SYCE2: variants seen among roughly 807,000 people sequenced by gnomAD.
SYCE2 encodes the protein central element synaptonemal complex 1.
Under a neutral mutation model 27.9 loss-of-function variants are expected in SYCE2, and 3 were observed. That is an observed-to-expected ratio of 0.11 (90% confidence interval 0.05 to 0.28). SYCE2 has a LOEUF of 0.28. Ranked by LOEUF, SYCE2 falls within the 10% of genes least tolerant of loss-of-function variation. SYCE2 has a pLI of 1.00. For missense variants in SYCE2, 207 were observed against 263.5 expected, an observed-to-expected ratio of 0.79 and a Z score of 1.48; for synonymous variants, 85 against 100.7, an observed-to-expected ratio of 0.84 and a Z score of 0.93.
intron 2 of SYCE2, among the ~76,000 whole-genome samples, chr19:12,912,795 AC>A (rs1971071038): frequency 6.6e-6 from 1 of 151,842 alleles, no homozygotes; most frequent in Non-Finnish European, 1.5e-5. Context: ...AAAAAAAATC[AC>A]TTGAATTCAG....
At chr19:12,911,012 A>G (rs1370792904) in intron 2 of SYCE2, among the ~76,000 whole-genome samples, 1 of 151,172 alleles carries the variant, frequency 6.6e-6, no homozygotes, top group African/African-American at 2.4e-5. Flanking sequence ...AGGGTTTGCT[A>G]CATTGCCAAG....
At chr19:12,917,711 G>C (rs1301158662) in intron 2 of SYCE2, among the ~76,000 whole-genome samples, 1 of 118,710 alleles carries the variant, frequency 8.4e-6, no homozygotes, top group Admixed American at 1.0e-4. Flanking sequence ...CCAGGCTGGA[G>C]TGCAATGGCG....
rs144450062 is a variant in SYCE2 at position 12,909,661 on chromosome 19, G to A, written c.132-4995C>T. 8.5e-3 allele frequency among the ~76,000 whole-genome samples: 1,287 copies of A among 152,072 alleles called. 19 individuals are homozygous for A. The highest frequency in any genetic ancestry group is 0.029 in the African/African-American group (1,215 of 41,468). On this transcript the variant is annotated intron_variant, in intron 2 of 5. Coordinates refer to ENST00000293695, the MANE Select transcript of SYCE2 (RefSeq NM_001105578.2). ...GGCTCACTGCAACCTCCGCCTCCCG[G>A]GTTCAAGCGATTCTCTTGCCTCAGC...
intron 2 of SYCE2, among the ~76,000 whole-genome samples, chr19:12,907,417 G>A (rs1371963077): frequency 6.6e-6 from 1 of 152,200 alleles, no homozygotes; most frequent in Non-Finnish European, 1.5e-5. Flanking sequence ...GAAAGGCCAA[G>A]CCTTGTAGGT....
At chr19:12,900,165 G>T in intron 4 of SYCE2, 45 bp from the exon 5 acceptor site, 1 of 1,575,290 alleles carries the variant, frequency 6.3e-7, no homozygotes, top group African/African-American at 1.4e-5. Context: ...CTGTGCCAGG[G>T]CTGTGGGCAG....
intron 2 of SYCE2, among the ~76,000 whole-genome samples, chr19:12,908,472 C>T (rs1970982750): frequency 6.6e-6 from 1 of 151,764 alleles, no homozygotes. Flanking sequence ...CTACAGGCGC[C>T]CGCCACCACG....
rs369943408 is a variant in SYCE2 at position 12,902,946 on chromosome 19, T to C, written c.306+1546A>G. ...CTGGAATTATAGGCACGTGCTACCA[T>C]GCCTGGCTAATTTTTTTTTTTTTTT... On this transcript the variant is annotated intron_variant, in intron 3 of 5. Transcript: ENST00000293695. Among the ~76,000 whole-genome samples the C allele has an allele frequency of 1.1e-3, 161 of 149,402 alleles. 1 individual carries two copies. Among genetic ancestry groups the C allele is most frequent in the African/African-American group, 3.6e-3 (146 of 40,832 alleles).
intron 3 of SYCE2, 142 bp from the exon 4 acceptor site, chr19:12,900,790 C>A (rs1214244858): frequency 6.4e-6 from 5 of 785,070 alleles, no homozygotes; most frequent in Non-Finnish European, 1.0e-5. Context: ...ATGCCTGTAA[C>A]CCCAGCACTT....
At chr19:12,910,600 T>TG (rs1411381915) in intron 2 of SYCE2, among the ~76,000 whole-genome samples, 4 of 151,984 alleles carry the variant, frequency 2.6e-5, no homozygotes, top group African/African-American at 9.7e-5. Flanking sequence ...CTCAAACTCC[T>TG]GACCTCAAGT....
chr19:12,901,065 A>T (rs968585257), intron 3 of SYCE2, among the ~76,000 whole-genome samples: 3 of 152,126 alleles, frequency 2.0e-5, no homozygotes, highest in African/African-American at 7.2e-5. Flanking sequence ...GCTACTTGGG[A>T]GGCTGAGGCA....
chr19:12,908,951 C>G (rs780047784), intron 2 of SYCE2, among the ~76,000 whole-genome samples: 10 of 152,208 alleles, frequency 6.6e-5, no homozygotes, highest in Non-Finnish European at 1.3e-4. Flanking sequence ...TCCCAGCCAC[C>G]ATTCCACAAT....
intron 2 of SYCE2, among the ~76,000 whole-genome samples, chr19:12,913,826 C>A (rs992672701): frequency 9.8e-5 from 15 of 152,304 alleles, no homozygotes; most frequent in African/African-American, 3.6e-4. Context: ...ACGACTTCAA[C>A]CATTGCTTCC....
intron 2 of SYCE2, among the ~76,000 whole-genome samples, chr19:12,913,101 C>A (rs1971076275): frequency 6.6e-6 from 1 of 152,226 alleles, no homozygotes; most frequent in African/African-American, 2.4e-5. Flanking sequence ...GTCAGCCCAA[C>A]ACAGCACGTC....
At chr19:12,904,432 G>T (rs1970896500) in intron 3 of SYCE2, 60 bp downstream of exon 3, 11 of 1,598,708 alleles carry the variant, frequency 6.9e-6, no homozygotes, top group South Asian at 1.1e-5. Context: ...CACCATCAGT[G>T]GTTCATTCCC....
rs369791566 is a variant in SYCE2 at position 12,919,221 on chromosome 19, G to T, written c.15+22C>A. 1.3e-5 allele frequency: 21 copies of T among 1,610,764 alleles called. No homozygotes were observed. In the African/African-American group the frequency reaches 2.4e-4, roughly 18 times the overall value. On this transcript the variant is annotated intron_variant, in intron 1 of 5. Transcript: ENST00000293695. Reference sequence around the variant, plus strand: ...ATCTGTCCGCCCGCCCCACGCGCGAGAAGGAAACAAGCGCCGCGTACTCCC... The same window carrying T: ...ATCTGTCCGCCCGCCCCACGCGCGATAAGGAAACAAGCGCCGCGTACTCCC...
At position 12,919,271 on chromosome 19, in the gene SYCE2, G is replaced by C. The variant is rs753299337; in HGVS notation, c.-14C>G. The C allele has an allele frequency of 1.2e-6, 2 of 1,609,874 alleles. No homozygotes were observed. Among genetic ancestry groups the C allele is most frequent in the South Asian group, 2.2e-5 (2 of 91,046 alleles). Reference sequence around the variant, plus strand: ...CTGTCGCTCCATTCCGTATTTTCCCGCCTTCAAGCTCGCACCCTCTGCGCA... The same window carrying C: ...CTGTCGCTCCATTCCGTATTTTCCCCCCTTCAAGCTCGCACCCTCTGCGCA... On this transcript the variant is annotated 5_prime_UTR_variant, in exon 1 of 6. Coordinates refer to ENST00000293695, the MANE Select transcript of SYCE2 (RefSeq NM_001105578.2).
chr19:12,913,132 C>G (rs1263997583), intron 2 of SYCE2, among the ~76,000 whole-genome samples: 1 of 152,202 alleles, frequency 6.6e-6, no homozygotes, highest in African/African-American at 2.4e-5. Context: ...GGCCTGCGCC[C>G]GGATTGGGCA....
intron 2 of SYCE2, among the ~76,000 whole-genome samples, chr19:12,917,125 C>T (rs1003426564): frequency 6.7e-6 from 1 of 149,678 alleles, no homozygotes; most frequent in African/African-American, 2.5e-5. Flanking sequence ...AATGCAATGG[C>T]ACAATCTTGG....
At position 12,900,090 on chromosome 19, in the gene SYCE2, G is replaced by A. The variant is rs1169496011; in HGVS notation, c.526C>T (p.His176Tyr). 6.2e-7 allele frequency: 1 copy of A among 1,612,722 alleles called. No homozygotes were observed. The highest frequency in any genetic ancestry group is 2.2e-5 in the East Asian group (1 of 44,894). The part of the protein sequence containing the change: ...QSLRLRWGPD[H>Y]SRGKSPPRPG... The stretch of plus-strand genomic sequence containing the variant: ...CGTGGTGGGGACTTTCCCCTAGAGT[G>A]GTCTGGCCCCCATCTGAGTCTTAGG... The change falls in exon 5 of 6, where the codon CAC becomes TAC. Residue 176 changes from histidine (H) to tyrosine (Y), a missense_variant. His to Tyr is a moderately conservative substitution (Grantham distance 83, BLOSUM62 2). Coordinates refer to ENST00000293695, the MANE Select transcript of SYCE2 (RefSeq NM_001105578.2).
Sources: gnomAD v4.1 joint callset for allele counts (sites outside exome capture counted in the v4.1 genomes callset) on GRCh38, gnomAD v4.1.1 for gene constraint, MANE v1.5 for transcripts, NCBI Gene and HGNC (gene_info 2026-07-23, HGNC 2026-07-21) for gene names.